CDH18: variants seen among roughly 807,000 people sequenced by gnomAD.
CDH18 encodes the protein cadherin-18.
A neutral mutation model predicts 67.9 loss-of-function variants in CDH18; 31 were observed. The observed-to-expected ratio is 0.46, with a 90% CI of 0.34 to 0.62. CDH18 has a LOEUF of 0.62. Among genes scored for constraint, CDH18 ranks in the 20% least tolerant of loss-of-function variants. CDH18 has a pLI of 0.01. For synonymous variants in CDH18, 362 were observed against 347.2 expected, an observed-to-expected ratio of 1.04 and a Z score of -0.48; for missense variants, 890 against 975.5, an observed-to-expected ratio of 0.91 and a Z score of 1.17.
intron 2 of CDH18, among the ~76,000 whole-genome samples, chr5:20,188,886 T>C (rs1444023240): frequency 6.7e-6 from 1 of 149,872 alleles, no homozygotes; most frequent in African/African-American, 2.4e-5. Context: ...AAAGGATATA[T>C]ACTTTCCATT....
At chr5:19,844,089 G>C (rs1782649704) in intron 2 of CDH18, among the ~76,000 whole-genome samples, 1 of 152,142 alleles carries the variant, frequency 6.6e-6, no homozygotes, top group African/African-American at 2.4e-5. Flanking sequence ...TGAGACTTTG[G>C]ACTTGGACAT....
chr5:19,600,604 GA>G (rs906098933), intron 6 of CDH18, among the ~76,000 whole-genome samples: 19 of 149,090 alleles, frequency 1.3e-4, no homozygotes, highest in East Asian at 2.0e-4. Flanking sequence ...CCTTTTTCTT[GA>G]AAAAAAGAAA....
At chr5:19,534,586 C>G (rs1374622221) in intron 9 of CDH18, among the ~76,000 whole-genome samples, 1 of 152,056 alleles carries the variant, frequency 6.6e-6, no homozygotes, top group Non-Finnish European at 1.5e-5. Flanking sequence ...ATACATGAGC[C>G]AATAAATCTC....
At chr5:20,112,888 C>A (rs1194997580) in intron 2 of CDH18, among the ~76,000 whole-genome samples, 3 of 152,122 alleles carry the variant, frequency 2.0e-5, no homozygotes, top group Non-Finnish European at 2.9e-5. Context: ...GCAGGCACTG[C>A]AAAGATTATT....
At position 20,438,304 on chromosome 5, in the gene CDH18, TC is replaced by T. The variant is rs1749338578; in HGVS notation, c.-580+137157del. 2.0e-5 allele frequency among the ~76,000 whole-genome samples: 3 copies of T among 150,988 alleles called. No individual in the cohort carries two copies. In the Middle Eastern group the frequency reaches 0.01, roughly 517 times the overall value. The stretch of plus-strand genomic sequence containing the variant: ...TGTGTGTTTGTGGAACATTATCCAC[TC>T]TCTGAAAATAGAATAAATGAACAGC... On this transcript the variant is annotated intron_variant, in intron 1 of 14. Transcript: ENST00000507958.
chr5:20,548,534 G>T (rs968642815), intron 1 of CDH18, among the ~76,000 whole-genome samples: 6 of 151,696 alleles, frequency 4.0e-5, no homozygotes, highest in Non-Finnish European at 8.8e-5. Context: ...ATGACAGTAA[G>T]GTAAATTGGT....
At chr5:20,272,636 G>T (rs1305242914) in intron 1 of CDH18, among the ~76,000 whole-genome samples, 1 of 151,770 alleles carries the variant, frequency 6.6e-6, no homozygotes, top group Non-Finnish European at 1.5e-5. Context: ...AGATAAAACT[G>T]AAGCTAAATG....
chr5:19,774,629 C>A (rs910542574), intron 3 of CDH18, among the ~76,000 whole-genome samples: 4 of 149,824 alleles, frequency 2.7e-5, no homozygotes, highest in Admixed American at 6.7e-5. Context: ...CGAGACCAGC[C>A]TCACCAATAT....
chr5:19,926,583 A>T (rs1197280199), intron 2 of CDH18, among the ~76,000 whole-genome samples: 1 of 152,178 alleles, frequency 6.6e-6, no homozygotes, highest in Admixed American at 6.5e-5. Flanking sequence ...TAATTTCCAT[A>T]TCAAGCAAAA....
At chr5:20,521,417 A>G (rs1032169637) in intron 1 of CDH18, among the ~76,000 whole-genome samples, 12 of 152,230 alleles carry the variant, frequency 7.9e-5, no homozygotes, top group Non-Finnish European at 1.3e-4. Flanking sequence ...GATAATGCAA[A>G]TAAGACTTAG....
chr5:20,076,384 G>C (rs931132833), intron 2 of CDH18, among the ~76,000 whole-genome samples: 8 of 151,914 alleles, frequency 5.3e-5, no homozygotes, highest in African/African-American at 1.9e-4. Flanking sequence ...TTGTCTATTT[G>C]TTTTTATCTT....
At chr5:20,296,064 C>T (rs1263414236) in intron 1 of CDH18, among the ~76,000 whole-genome samples, 4 of 150,930 alleles carry the variant, frequency 2.7e-5, no homozygotes, top group Admixed American at 6.6e-5. Context: ...TTAGTAGAGA[C>T]GGGGTTTCGC....
intron 6 of CDH18, among the ~76,000 whole-genome samples, chr5:19,596,048 T>A (rs1382436756): frequency 2.0e-5 from 3 of 152,222 alleles, no homozygotes; most frequent in African/African-American, 7.2e-5. Flanking sequence ...CCTCCTTCGT[T>A]CTCACAGTTG....
chr5:20,191,359 C>T lies in CDH18; in HGVS notation c.-518+64085G>A, dbSNP rs186095731. ...TTTGACTACTTAAAGACCTTTATGC[C>T]GATAAAATGAATTTTTATTTCTGTC... On this transcript the variant is annotated intron_variant, in intron 2 of 14. Transcript: ENST00000507958. 4.1e-3 allele frequency among the ~76,000 whole-genome samples: 624 copies of T among 151,892 alleles called. 8 individuals are homozygous for T. The highest frequency in any genetic ancestry group is 4.2e-3 in the Non-Finnish European group (287 of 67,950).
chr5:19,476,226 T>C (rs961704897), intron 12 of CDH18, among the ~76,000 whole-genome samples: 1 of 151,920 alleles, frequency 6.6e-6, no homozygotes, highest in African/African-American at 2.4e-5. Context: ...GATATTAGCA[T>C]TGGGAAGGTA....
intron 3 of CDH18, among the ~76,000 whole-genome samples, chr5:19,806,911 T>C (rs984361138): frequency 9.2e-5 from 14 of 152,176 alleles, no homozygotes; most frequent in African/African-American, 3.4e-4. Flanking sequence ...GGGGAAACCC[T>C]ATAAAGTGTA....
intron 1 of CDH18, among the ~76,000 whole-genome samples, chr5:20,395,702 G>T (rs1034387270): frequency 6.6e-6 from 1 of 152,134 alleles, no homozygotes; most frequent in African/African-American, 2.4e-5. Context: ...GTATGTTAAT[G>T]AGATGACTGG....
intron 5 of CDH18, among the ~76,000 whole-genome samples, chr5:19,711,241 A>T (rs1581003695): frequency 6.6e-6 from 1 of 152,218 alleles, no homozygotes; most frequent in South Asian, 2.1e-4. Flanking sequence ...AAAAATAGAC[A>T]AGTAAGACTA....
At chr5:19,718,803 A>T (rs1010687453) in intron 5 of CDH18, among the ~76,000 whole-genome samples, 7 of 152,038 alleles carry the variant, frequency 4.6e-5, no homozygotes, top group South Asian at 2.1e-4. Flanking sequence ...GAAGAAAGGA[A>T]CAAAGAAATG....
Sources: gnomAD v4.1 joint callset for allele counts (sites outside exome capture counted in the v4.1 genomes callset) on GRCh38, gnomAD v4.1.1 for gene constraint, MANE v1.5 for transcripts, NCBI Gene and HGNC (gene_info 2026-07-23, HGNC 2026-07-21) for gene names.